VGLL4: variants seen among roughly 807,000 people sequenced by gnomAD.
VGLL4 encodes vestigial like family member 4, also known as transcription cofactor vestigial-like protein 4.
A neutral mutation model predicts 21.0 loss-of-function variants in VGLL4; 7 were observed. The observed-to-expected ratio is 0.33, with a 90% confidence interval of 0.19 to 0.63. VGLL4 has a LOEUF of 0.63. Ranked by LOEUF, VGLL4 falls within the 20% of genes least tolerant of loss-of-function variation. The probability of loss-of-function intolerance (pLI) is 0.78; values close to 1 mark genes in which losing one functional copy is unlikely to be tolerated. For synonymous variants in VGLL4, 222 were observed against 173.2 expected (o/e 1.28, Z -2.21); for missense variants, 394 against 425.7 (o/e 0.93, Z 0.66).
At chr3:11,584,996 T>C (rs1273696422) in intron 2 of VGLL4, among the ~76,000 whole-genome samples, 1 of 151,818 alleles carries the variant, frequency 6.6e-6, no homozygotes, top group Non-Finnish European at 1.5e-5. Flanking sequence ...CCTATGTACA[T>C]ATCATCCTCC....
At chr3:11,659,537 G>T (rs1372436080) in intron 2 of VGLL4, among the ~76,000 whole-genome samples, 2 of 151,392 alleles carry the variant, frequency 1.3e-5, no homozygotes, top group Non-Finnish European at 2.9e-5. Context: ...TCTCCATGTT[G>T]GTCAGGCTGG....
At chr3:11,612,453 C>G (rs1014174812) in intron 1 of VGLL4, 14 of 152,210 alleles carry the variant, frequency 9.2e-5, no homozygotes, top group African/African-American at 3.4e-4. Flanking sequence ...TGAAGATCAT[C>G]AGATCTAGGT....
At chr3:11,621,980 T>A (rs1308758494) in intron 1 of VGLL4, among the ~76,000 whole-genome samples, 2 of 152,230 alleles carry the variant, frequency 1.3e-5, no homozygotes, top group African/African-American at 4.8e-5. Context: ...TGCCCATTTT[T>A]AAATAAGATT....
chr3:11,561,416 C>T (rs75609208), intron 3 of VGLL4, among the ~76,000 whole-genome samples: 5 of 152,262 alleles, frequency 3.3e-5, no homozygotes, highest in Admixed American at 6.5e-5. Flanking sequence ...TGAGCTGGGG[C>T]GAATTGCCTT....
intron 2 of VGLL4, chr3:11,582,388 G>C: frequency 1.3e-6 from 2 of 1,555,316 alleles, no homozygotes; most frequent in Admixed American, 3.9e-5. Flanking sequence ...GCACAAAACT[G>C]GATGGGCGGG....
chr3:11,671,207 T>G (rs772721150), intron 2 of VGLL4: 1 of 1,547,436 alleles, frequency 6.5e-7, no homozygotes, highest in African/African-American at 1.4e-5. Flanking sequence ...AATTAATTAA[T>G]TTCAATTAAG....
At chr3:11,570,193 C>A (rs2073718831) in intron 2 of VGLL4, among the ~76,000 whole-genome samples, 1 of 152,136 alleles carries the variant, frequency 6.6e-6, no homozygotes, top group South Asian at 2.1e-4. Flanking sequence ...ACCACAGACA[C>A]CGGCCCTGTG....
At chr3:11,604,406 G>C in intron 1 of VGLL4, 3 of 957,104 alleles carry the variant, frequency 3.1e-6, no homozygotes, top group Non-Finnish European at 3.7e-6. Flanking sequence ...CTAAGACTGT[G>C]CAGCCTCACA....
intron 2 of VGLL4, among the ~76,000 whole-genome samples, chr3:11,663,370 A>G (rs2076062729): frequency 6.6e-6 from 1 of 152,238 alleles, no homozygotes; most frequent in African/African-American, 2.4e-5. Context: ...AAATCAGAAC[A>G]AATTCATCCA....
At chr3:11,624,244 T>A (rs2075314278) in intron 1 of VGLL4, among the ~76,000 whole-genome samples, 1 of 152,152 alleles carries the variant, frequency 6.6e-6, no homozygotes, top group South Asian at 2.1e-4. Context: ...CCAAGAGGTG[T>A]CTCTTCTCAT....
At chr3:11,703,142 A>C in intron 1 of VGLL4, 2 of 1,016,942 alleles carry the variant, frequency 2.0e-6, no homozygotes, top group Non-Finnish European at 2.8e-6. Context: ...CCTCAACCAA[A>C]TGCAAATCAT....
intron 2 of VGLL4, among the ~76,000 whole-genome samples, chr3:11,683,078 C>A (rs1451651591): frequency 6.6e-6 from 1 of 151,716 alleles, no homozygotes; most frequent in Non-Finnish European, 1.5e-5. Context: ...AATACAAAAA[C>A]CAGCCGAGCG....
intron 2 of VGLL4, among the ~76,000 whole-genome samples, chr3:11,682,114 C>A (rs543322071): frequency 6.6e-6 from 1 of 152,022 alleles, no homozygotes; most frequent in African/African-American, 2.4e-5. Flanking sequence ...CAAAAATTAG[C>A]CAGGTGTGGC....
chr3:11,715,747 T>C (rs575559411), intron 1 of VGLL4, among the ~76,000 whole-genome samples: 12 of 152,344 alleles, frequency 7.9e-5, no homozygotes, highest in Non-Finnish European at 1.5e-4. Flanking sequence ...TTCCGGCTTC[T>C]GGTCACATTT....
intron 1 of VGLL4, among the ~76,000 whole-genome samples, chr3:11,712,395 G>A (rs1295714291): frequency 6.6e-6 from 1 of 152,150 alleles, no homozygotes; most frequent in Non-Finnish European, 1.5e-5. Context: ...AACTGAGAAT[G>A]TCTTACAAAC....
At position 11,568,677 on chromosome 3, in the gene VGLL4, G is replaced by T; in HGVS notation, c.273-3658C>A. 1.3e-6 allele frequency: 2 copies of T among 1,554,588 alleles called. No homozygotes were observed. Among genetic ancestry groups the T allele is most frequent in the South Asian group, 1.2e-5 (1 of 84,272 alleles). On this transcript the variant is annotated intron_variant, in intron 2 of 4. Coordinates refer to ENST00000430365, the MANE Select transcript of VGLL4 (RefSeq NM_001128219.3). The surrounding 1 kb of genome is among the most constrained non-coding windows in gnomAD (Gnocchi z 5.9). Reference sequence around the variant, plus strand: ...TTTTCCAGGCCCCGCTCGCCCGGATGAATCACCTCCCGGCCACTGCTTCCC... The same window carrying T: ...TTTTCCAGGCCCCGCTCGCCCGGATTAATCACCTCCCGGCCACTGCTTCCC...
upstream of VGLL4, among the ~76,000 whole-genome samples, chr3:11,645,189 GA>G (rs34717985): frequency 0.072 from 3,966 of 54,740 alleles, 165 homozygotes; most frequent in African/African-American, 0.2. Flanking sequence ...TAACAAAATA[GA>G]AAAAAAAAAA....
At chr3:11,571,139 G>C (rs2073759371) in intron 2 of VGLL4, among the ~76,000 whole-genome samples, 1 of 152,186 alleles carries the variant, frequency 6.6e-6, no homozygotes, top group African/African-American at 2.4e-5. Flanking sequence ...CCGGCATTCG[G>C]ACTGTCCCAA....
At chr3:11,601,690 T>C in intron 2 of VGLL4, 143 bp downstream of exon 2, 2 of 1,062,176 alleles carry the variant, frequency 1.9e-6, no homozygotes, top group South Asian at 1.5e-5. Flanking sequence ...TTTTGGCAGA[T>C]GAATACTATT....
Sources: gnomAD v4.1 joint callset for allele counts (sites outside exome capture counted in the v4.1 genomes callset) on GRCh38, gnomAD v4.1.1 for gene constraint, Gnocchi (gnomAD v3.1) non-coding constraint, MANE v1.5 for transcripts, NCBI Gene and HGNC (gene_info 2026-07-23, HGNC 2026-07-21) for gene names.